Variants in TANC2 observed in about 807,000 individuals in gnomAD.
TANC2 encodes tetratricopeptide repeat, ankyrin repeat and coiled-coil containing 2, also known as protein TANC2.
Under a neutral mutation model 210.5 loss-of-function variants are expected in TANC2, and 26 were observed. The ratio of observed to expected loss-of-function variants is 0.12; its 90% CI spans 0.09 to 0.17. The LOEUF is 0.17. Among genes scored for constraint, TANC2 ranks in the 10% least tolerant of loss-of-function variants. TANC2 has a pLI of 1.00. For synonymous variants in TANC2, 931 were observed against 967.1 expected (o/e 0.96, Z 0.69); for missense variants, 2,129 against 2,608.9 (o/e 0.82, Z 4.01).
intron 4 of TANC2, among the ~76,000 whole-genome samples, chr17:63,119,705 C>T (rs2038387459): frequency 1.3e-5 from 2 of 152,018 alleles, no homozygotes; most frequent in South Asian, 2.1e-4. Context: ...ATCTCTGAAA[C>T]TATAATTTTT....
intron 5 of TANC2, among the ~76,000 whole-genome samples, chr17:63,191,828 A>G (rs191955416): frequency 7.9e-4 from 120 of 152,310 alleles, no homozygotes; most frequent in African/African-American, 2.7e-3. Context: ...TGAAAGTGGA[A>G]TAGGGAAGAG....
intron 4 of TANC2, among the ~76,000 whole-genome samples, chr17:63,140,292 A>C (rs2039241523): frequency 6.6e-6 from 1 of 152,248 alleles, no homozygotes; most frequent in African/African-American, 2.4e-5. Context: ...TAGCAATTTC[A>C]TTAGTCAGAA....
chr17:63,253,193 G>T (rs1243247088), intron 8 of TANC2, among the ~76,000 whole-genome samples: 1 of 152,132 alleles, frequency 6.6e-6, no homozygotes. Context: ...GCATTTCTCT[G>T]ATGTCAGTGA....
At chr17:63,150,347 G>A (rs1292308782) in intron 4 of TANC2, 1 of 152,110 alleles carries the variant, frequency 6.6e-6, no homozygotes, top group Non-Finnish European at 1.5e-5. Flanking sequence ...CAGTTTGAAA[G>A]CACCTAAGCA....
intron 2 of TANC2, among the ~76,000 whole-genome samples, chr17:63,019,637 C>T (rs1420537908): frequency 6.6e-6 from 1 of 152,036 alleles, no homozygotes; most frequent in Non-Finnish European, 1.5e-5. Flanking sequence ...ACCTAGATTG[C>T]TTAGTGGTGA....
At chr17:63,416,658 G>C (rs977740518) in intron 26 of TANC2, among the ~76,000 whole-genome samples, 4 of 152,054 alleles carry the variant, frequency 2.6e-5, no homozygotes, top group African/African-American at 9.7e-5. Flanking sequence ...CTGTCTCAGA[G>C]AACACAGCCA....
At chr17:63,371,151 A>G (rs973582785) in intron 14 of TANC2, among the ~76,000 whole-genome samples, 2 of 152,108 alleles carry the variant, frequency 1.3e-5, no homozygotes, top group Non-Finnish European at 2.9e-5. Flanking sequence ...ACTTTGTCAC[A>G]TCTGACCCTC....
At position 63,421,134 on chromosome 17, in the gene TANC2, G is replaced by A. The variant is rs2049012443; in HGVS notation, c.5404G>A (p.Gly1802Arg). ...GAGATACAGCCAGACACCACAGATC[G>A]GACGCAGCCAGTCAGCATCCTATTA... The change falls in exon 28 of 28, where the codon GGA becomes AGA. Residue 1802 changes from glycine to arginine, a missense_variant. Gly to Arg is a moderately radical substitution (Grantham distance 125, BLOSUM62 -2). Around this residue, in one of 5 missense-constraint regions of TANC2, gnomAD observed 584 missense variants for 627.3 expected, o/e 0.93. Coordinates refer to ENST00000689528, the Ensembl canonical transcript of TANC2. This position sits in a 1 kb window ranked among gnomAD's most constrained non-coding sequence, Gnocchi z 6.9. The A allele has an allele frequency of 2.5e-6, 4 of 1,613,916 alleles. No homozygotes were observed. Among genetic ancestry groups the A allele is most frequent in the Non-Finnish European group, 3.4e-6 (4 of 1,179,880 alleles).
At chr17:63,154,601 G>C (rs2039771617) in intron 5 of TANC2, 2 of 152,060 alleles carry the variant, frequency 1.3e-5, no homozygotes, top group Admixed American at 1.3e-4. Context: ...AAATAGAGAT[G>C]ATAATTTTAA....
chr17:63,093,550 A>C (rs1359281501), intron 3 of TANC2, among the ~76,000 whole-genome samples: 3 of 150,950 alleles, frequency 2.0e-5, no homozygotes, highest in Non-Finnish European at 4.4e-5. Context: ...TACTGTTTGG[A>C]CTCCAGTTTT....
intron 1 of TANC2, among the ~76,000 whole-genome samples, chr17:62,999,557 C>G (rs1330686672): frequency 2.8e-5 from 1 of 35,744 alleles, no homozygotes; most frequent in Admixed American, 2.1e-4. Context: ...AAACAAATTA[C>G]TTAGAGACTT....
At chr17:63,310,673 T>C (rs2045093484) in intron 9 of TANC2, among the ~76,000 whole-genome samples, 1 of 152,228 alleles carries the variant, frequency 6.6e-6, no homozygotes, top group African/African-American at 2.4e-5. Flanking sequence ...CCAATACACA[T>C]GTTTTTAAAA....
chr17:63,380,258 C>G (rs193012697), intron 15 of TANC2, among the ~76,000 whole-genome samples: 3 of 152,310 alleles, frequency 2.0e-5, no homozygotes, highest in African/African-American at 7.2e-5. Flanking sequence ...CCAACACTAA[C>G]CTTCCTTGGA....
At chr17:62,988,232 ATTC>A (rs1484782048) in intron 1 of TANC2, among the ~76,000 whole-genome samples, 2 of 149,034 alleles carry the variant, frequency 1.3e-5, no homozygotes, top group South Asian at 4.3e-4. Flanking sequence ...GGTTCAAGCG[ATTC>A]TTCTGCCTCA....
chr17:63,249,652 C>T (rs182774345), intron 8 of TANC2, among the ~76,000 whole-genome samples: 77 of 152,180 alleles, frequency 5.1e-4, no homozygotes, highest in Admixed American at 1.2e-3. Flanking sequence ...AAATACAGAA[C>T]GGGAATCTAG....
intron 5 of TANC2, among the ~76,000 whole-genome samples, chr17:63,173,583 T>G (rs2040482638): frequency 6.6e-6 from 1 of 152,234 alleles, no homozygotes; most frequent in African/African-American, 2.4e-5. Flanking sequence ...AGCGCATATC[T>G]GAAGCCTTTC....
intron 5 of TANC2, among the ~76,000 whole-genome samples, chr17:63,192,563 A>T (rs1413503160): frequency 6.6e-6 from 1 of 152,224 alleles, no homozygotes; most frequent in African/African-American, 2.4e-5. Flanking sequence ...TGAGGAAGAC[A>T]CTGTGTTGTG....
intron 2 of TANC2, among the ~76,000 whole-genome samples, chr17:63,055,650 C>CTTTT (rs369794571): frequency 7.2e-6 from 1 of 138,676 alleles, no homozygotes; most frequent in Non-Finnish European, 1.6e-5. Context: ...AACATCTTCA[C>CTTTT]TTTTTTTTTT....
chr17:63,074,111 A>G (rs1268338073), intron 3 of TANC2, 97 bp downstream of exon 3: 1 of 806,950 alleles, frequency 1.2e-6, no homozygotes, highest in Non-Finnish European at 1.8e-6. Flanking sequence ...GCCATGGTAT[A>G]GTTTAGATAT....
Sources: gnomAD v4.1 joint callset for allele counts (sites outside exome capture counted in the v4.1 genomes callset) on GRCh38, gnomAD v4.1.1 for gene constraint, gnomAD v4.1.1 regional missense constraint, Gnocchi (gnomAD v3.1) non-coding constraint, MANE v1.5 for transcripts, NCBI Gene and HGNC (gene_info 2026-07-23, HGNC 2026-07-21) for gene names.